Variants in ZNF514 observed in about 807,000 individuals in gnomAD.
ZNF514 encodes the protein zinc finger protein 514.
ZNF514 carries 12 observed loss-of-function variants against 9.7 expected under a neutral mutation model. The ratio of observed to expected loss-of-function variants is 1.24; its 90% CI spans 0.79 to 2.01. ZNF514 has a LOEUF of 2.01. Ranked by LOEUF, ZNF514 falls within the 30% of genes most tolerant of loss-of-function variation. The probability of loss-of-function intolerance (pLI) is 0.00; values close to 1 mark genes in which losing one functional copy is unlikely to be tolerated. For synonymous variants in ZNF514, 158 were observed against 163.7 expected (o/e 0.97, Z 0.27); for missense variants, 467 against 465.5 (o/e 1.00, Z -0.03).
the ZNF514 span, among the ~76,000 whole-genome samples, chr2:95,139,522 T>C: frequency 6.6e-6 from 1 of 152,250 alleles, no homozygotes; most frequent in Non-Finnish European, 1.5e-5. Context: ...CCCCTTTCTT[T>C]TGGCCATTTT....
At chr2:95,151,471 C>T (rs1274312080) in intron 4 of ZNF514, among the ~76,000 whole-genome samples, 1 of 152,182 alleles carries the variant, frequency 6.6e-6, no homozygotes, top group Non-Finnish European at 1.5e-5. Flanking sequence ...GGTGCCCAGC[C>T]ACTCCAGAAA....
At chr2:95,151,641 C>T (rs1558701587) in intron 4 of ZNF514, among the ~76,000 whole-genome samples, 5 of 152,290 alleles carry the variant, frequency 3.3e-5, no homozygotes, top group Admixed American at 1.3e-4. Flanking sequence ...TAATAACAAG[C>T]ACACTTCTGA....
the ZNF514 span, among the ~76,000 whole-genome samples, chr2:95,139,602 A>ATTT: frequency 6.6e-6 from 1 of 151,612 alleles, no homozygotes; most frequent in Non-Finnish European, 1.5e-5. Flanking sequence ...AAATAACTTG[A>ATTT]TTTTTTTTAT....
chr2:95,128,726 G>T, the ZNF514 span, among the ~76,000 whole-genome samples: 4 of 150,226 alleles, frequency 2.7e-5, no homozygotes, highest in Admixed American at 1.3e-4. Context: ...AAGGAGGAGG[G>T]AGGAGTAGGA....
chr2:95,154,600 CATTAGT>C (rs1673639351), intron 2 of ZNF514: 2 of 152,134 alleles, frequency 1.3e-5, no homozygotes, highest in Admixed American at 6.5e-5. Flanking sequence ...GGAAACATAA[CATTAGT>C]AGTGTGAGCT....
chr2:95,152,592 C>T, intron 4 of ZNF514, 82 bp downstream of exon 4: 1 of 1,131,540 alleles, frequency 8.8e-7, no homozygotes. Flanking sequence ...TCTGAAAGGA[C>T]AGCACACTGA....
chr2:95,157,435 G>T lies in ZNF514; in HGVS notation c.-91C>A. The T allele has an allele frequency of 2.3e-6, 3 of 1,289,378 alleles. No individual in the cohort carries two copies. The highest frequency in any genetic ancestry group is 1.2e-5 in the South Asian group (1 of 81,020). The allele number at this position is 1,289,378 out of a possible 1,614,324, so 79.9% of individuals were successfully genotyped here. ...GAGGAAGAGCAGGATTCTGAGAAGG[G>T]GAAGCTGGGAAGGTAGAAGGAGACA... is the stretch of plus-strand genomic sequence containing the variant. On this transcript the variant is annotated 5_prime_UTR_variant, in exon 2 of 5. Transcript: ENST00000295208.
chr2:95,153,172 C>T lies in ZNF514; in HGVS notation c.82G>A (p.Glu28Lys), dbSNP rs1159225531. The T allele has an allele frequency of 1.9e-6, 3 of 1,614,054 alleles. No homozygotes were observed. The highest frequency in any genetic ancestry group is 1.6e-4 in the Middle Eastern group (1 of 6,062). ...LNPAQKDLYR[E>K]VMLENFRNLA... ...TTCCTGAAGTTCTCCAGCATCACCT[C>T]CCTGTAGAGGTCCTTCTGAGCAGGG... Residue 28 changes from glutamate to lysine, a missense_variant, in exon 3 of 5, where the codon GAG becomes AAG. Physicochemically the swap from Glu to Lys is moderately conservative, Grantham distance 56. Coordinates refer to ENST00000295208, the MANE Select transcript of ZNF514 (RefSeq NM_032788.3).
chr2:95,136,528 T>C, the ZNF514 span, among the ~76,000 whole-genome samples: 1 of 151,856 alleles, frequency 6.6e-6, no homozygotes, highest in East Asian at 1.9e-4. Flanking sequence ...ATTACAACCA[T>C]GAGCCACCAC....
At chr2:95,140,128 CA>C (rs1031691149), downstream of ZNF514, among the ~76,000 whole-genome samples, 27 of 151,298 alleles carry the variant, frequency 1.8e-4, no homozygotes, top group African/African-American at 5.6e-4. Flanking sequence ...CGGGGCCTGT[CA>C]GTGGGTGAGG....
At chr2:95,135,351 C>CATTGTATT in the ZNF514 span, among the ~76,000 whole-genome samples, 1 of 151,540 alleles carries the variant, frequency 6.6e-6, no homozygotes, top group Non-Finnish European at 1.5e-5. Context: ...TTTTTGATGC[C>CATTGTATT]ATTGTATTAC....
the ZNF514 span, among the ~76,000 whole-genome samples, chr2:95,126,112 T>C: frequency 6.6e-6 from 1 of 152,134 alleles, no homozygotes; most frequent in Admixed American, 6.5e-5. Flanking sequence ...GGCTCACGCC[T>C]GTAATCCCAG....
rs191980640 is a variant in ZNF514 at position 95,145,823 on chromosome 2, G to A, written c.*3459C>T. Among the ~76,000 whole-genome samples, 179 of 152,138 alleles carry A rather than the reference G, an allele frequency of 1.2e-3. No homozygotes were observed. Among genetic ancestry groups the A allele is most frequent in the Non-Finnish European group, 2.2e-3 (149 of 67,992 alleles). On this transcript the variant is annotated 3_prime_UTR_variant, in exon 5 of 5. Coordinates refer to ENST00000295208, the MANE Select transcript of ZNF514 (RefSeq NM_032788.3). The stretch of plus-strand genomic sequence containing the variant: ...TACCTTTGCCATGTTAACCATACTC[G>A]TCAGTTTGAACCCAGTGTCCTGCCC...
In ZNF514 at chr2:95,148,980, G is replaced by T; in HGVS notation, c.*302C>A. On this transcript the variant is annotated 3_prime_UTR_variant, in exon 5 of 5. Transcript: ENST00000295208. The stretch of plus-strand genomic sequence containing the variant: ...TTGCCACACTCACTGCATTGATAAG[G>T]CTCCTCCCCAGTGTCGGCTGTCTGA... 6.2e-6 allele frequency: 2 copies of T among 322,460 alleles called. No homozygotes were observed. Among genetic ancestry groups the T allele is most frequent in the Admixed American group, 8.9e-5 (2 of 22,476 alleles). The allele number at this position is 322,460 out of a possible 1,614,324, so 20.0% of individuals were successfully genotyped here.
chr2:95,159,670 ACCCCGCGCCAGCCC>A lies in ZNF514; in HGVS notation c.-540_-527del, dbSNP rs1361591621. On this transcript the variant is annotated 5_prime_UTR_variant, in exon 1 of 5. Coordinates refer to ENST00000295208, the MANE Select transcript of ZNF514 (RefSeq NM_032788.3). ...CACCCCGCGCCAGCCCCCGCCCGCC[ACCCCGCGCCAGCCC>A]CCGCGTCCGCCCCGCGCCAGCCCCC... The A allele has an allele frequency of 2.3e-5, 1 of 43,586 alleles. No homozygotes were observed. Among genetic ancestry groups the A allele is most frequent in the Non-Finnish European group, 5.0e-5 (1 of 20,148 alleles). 2.7% of individuals were successfully genotyped at this position (43,586 alleles called of 1,614,324 possible).
chr2:95,147,595 C>T lies in ZNF514; in HGVS notation c.*1687G>A, dbSNP rs993123361. ...ATCTGCCTTCTTTCACTTAGAATCA[C>T]GTTTTTGAGATCTGGATTGTGCATA... On this transcript the variant is annotated 3_prime_UTR_variant, in exon 5 of 5. Transcript: ENST00000295208. The T allele has an allele frequency of 2.9e-4, 44 of 151,072 alleles. No homozygotes were observed. The highest frequency in any genetic ancestry group is 7.1e-4 in the African/African-American group (29 of 41,122). 9.4% of individuals were successfully genotyped at this position (151,072 alleles called of 1,614,324 possible). A position where few individuals can be genotyped will look rare whatever the true frequency, so the allele number is the denominator to read the frequency against.
chr2:95,125,898 G>A, the ZNF514 span, among the ~76,000 whole-genome samples: 1 of 152,182 alleles, frequency 6.6e-6, no homozygotes, highest in Non-Finnish European at 1.5e-5. Flanking sequence ...TTTGGCTATT[G>A]TGAATAATGC....
In ZNF514 at chr2:95,159,267, G is replaced by T; in HGVS notation, c.-123C>A. 9 of 172,334 alleles carry T rather than the reference G, an allele frequency of 5.2e-5. No individual in the cohort carries two copies. The highest frequency in any genetic ancestry group is 1.1e-4 in the South Asian group (1 of 8,788). The allele number at this position is 172,334 out of a possible 1,614,324, so 10.7% of individuals were successfully genotyped here. The stretch of plus-strand genomic sequence containing the variant: ...CCGGCTCGGCTCCTCCTCAGGACCA[G>T]GCTCTGGAACCCAGCTCCCACGTGG... On this transcript the variant is annotated 5_prime_UTR_variant, in exon 1 of 5. The change creates a new upstream start codon in the 5' untranslated region. Transcript: ENST00000295208.
chr2:95,152,766 A>C lies in ZNF514; in HGVS notation c.125T>G (p.Leu42Arg). 1.2e-6 allele frequency: 2 copies of C among 1,614,020 alleles called. No individual in the cohort carries two copies. Among genetic ancestry groups the C allele is most frequent in the Admixed American group, 1.7e-5 (1 of 60,022 alleles). The change falls in exon 4 of 5, where the codon CTT becomes CGT. Residue 42 changes from leucine to arginine, a missense_variant. Transcript: ENST00000295208. Reference sequence around the variant, plus strand: ...GATCACATATGGTTTGGATACTAGAAGGCCTGATGGTAGAGAAGGAAAAGG... The same window carrying C: ...GATCACATATGGTTTGGATACTAGACGGCCTGATGGTAGAGAAGGAAAAGG... ...ENFRNLAILGLLVSKPYVICQ... is the reference protein window; with the variant it reads ...ENFRNLAILGRLVSKPYVICQ...
Sources: allele counts gnomAD v4.1 joint callset (sites outside exome capture counted in the v4.1 genomes callset), GRCh38; gene constraint gnomAD v4.1.1; transcripts MANE v1.5; gene names NCBI Gene and HGNC (gene_info 2026-07-23, HGNC 2026-07-21).